The following KCNH7 variants were observed in gnomAD, a reference collection of about 807,000 sequenced individuals.
KCNH7 encodes voltage-gated inwardly rectifying potassium channel KCNH7.
In KCNH7, 49 loss-of-function variants were observed where a neutral mutation model predicts 120.8. The observed-to-expected ratio is 0.41, with a 90% confidence interval of 0.32 to 0.51. The LOEUF (loss-of-function observed/expected upper bound fraction) is 0.51, where lower values mean the gene tolerates loss of function less well. KCNH7 is among the 20% of genes least tolerant of loss of function. The pLI is 0.38. For synonymous variants in KCNH7, 547 were observed against 516.1 expected, an observed-to-expected ratio of 1.06 and a Z score of -0.81; for missense variants, 1,097 against 1,446.6, an observed-to-expected ratio of 0.76 and a Z score of 3.92.
intron 2 of KCNH7, among the ~76,000 whole-genome samples, chr2:162,684,311 A>G (rs919890430): frequency 9.9e-5 from 15 of 152,170 alleles, no homozygotes; most frequent in African/African-American, 3.6e-4. Context: ...TGACTAAAGC[A>G]TCAAAAGCAA....
intron 2 of KCNH7, among the ~76,000 whole-genome samples, chr2:162,675,239 A>C (rs1417783386): frequency 6.6e-6 from 1 of 151,514 alleles, no homozygotes; most frequent in East Asian, 1.9e-4. Flanking sequence ...AATTATTAGG[A>C]AGTGAAATGC....
chr2:162,678,418 AT>A (rs1256795683), intron 2 of KCNH7, among the ~76,000 whole-genome samples: 1 of 151,438 alleles, frequency 6.6e-6, no homozygotes, highest in East Asian at 1.9e-4. Context: ...GGAACAACTG[AT>A]AGCTGATCAA....
intron 6 of KCNH7, among the ~76,000 whole-genome samples, chr2:162,484,003 G>A (rs745694410): frequency 3.9e-5 from 6 of 152,110 alleles, no homozygotes; most frequent in Non-Finnish European, 8.8e-5. Context: ...ACTGGAGTCA[G>A]AGTCCAGAAA....
chr2:162,752,960 A>ACCCCTGACTAAT, intron 2 of KCNH7, among the ~76,000 whole-genome samples: 1 of 114,198 alleles, frequency 8.8e-6, no homozygotes, highest in African/African-American at 5.4e-5. Context: ...AAAGAAAAGA[A>ACCCCTGACTAAT]AAGAAAAGAA....
intron 2 of KCNH7, among the ~76,000 whole-genome samples, chr2:162,578,214 AAG>A (rs778831358): frequency 3.3e-5 from 5 of 152,010 alleles, no homozygotes; most frequent in Non-Finnish European, 7.4e-5. Context: ...GACAATACCA[AAG>A]AGGGGGAAAT....
chr2:162,596,630 T>C (rs1023631821), intron 2 of KCNH7, among the ~76,000 whole-genome samples: 3 of 152,004 alleles, frequency 2.0e-5, no homozygotes, highest in African/African-American at 7.2e-5. Context: ...AAAATCTAAA[T>C]GACTTTGATC....
At chr2:162,814,043 G>T (rs1684829247) in intron 2 of KCNH7, among the ~76,000 whole-genome samples, 1 of 152,166 alleles carries the variant, frequency 6.6e-6, no homozygotes, top group African/African-American at 2.4e-5. Context: ...GGACAATGTG[G>T]ATCCTGGTTC....
intron 2 of KCNH7, among the ~76,000 whole-genome samples, chr2:162,540,907 G>A (rs1025843958): frequency 2.0e-5 from 3 of 152,092 alleles, no homozygotes; most frequent in Non-Finnish European, 4.4e-5. Context: ...TTTGGCCCAG[G>A]GTGTTGTTGT....
chr2:162,756,755 G>T (rs1688802481), intron 2 of KCNH7, among the ~76,000 whole-genome samples: 1 of 152,162 alleles, frequency 6.6e-6, no homozygotes, highest in Non-Finnish European at 1.5e-5. Context: ...GAGCCACTGT[G>T]CCTGGCCCTG....
chr2:162,546,082 C>A (rs1444409698), intron 2 of KCNH7, among the ~76,000 whole-genome samples: 1 of 152,330 alleles, frequency 6.6e-6, no homozygotes, highest in East Asian at 1.9e-4. Flanking sequence ...CACACATTTT[C>A]TGACGCATAA....
chr2:162,461,327 C>G (rs1689138555), intron 6 of KCNH7, among the ~76,000 whole-genome samples: 1 of 152,178 alleles, frequency 6.6e-6, no homozygotes, highest in Admixed American at 6.5e-5. Context: ...TGTCAATTTT[C>G]TTACTAGCAA....
intron 2 of KCNH7, among the ~76,000 whole-genome samples, chr2:162,619,353 C>G (rs1051079388): frequency 6.6e-6 from 1 of 151,764 alleles, no homozygotes; most frequent in Non-Finnish European, 1.5e-5. Context: ...GGGCAAAAGA[C>G]CTAGGGTAAT....
intron 7 of KCNH7, among the ~76,000 whole-genome samples, chr2:162,441,887 G>A (rs1415597639): frequency 6.8e-6 from 1 of 147,708 alleles, no homozygotes; most frequent in Non-Finnish European, 1.5e-5. Context: ...GGCAAGCCCA[G>A]TTATTGCCAG....
At position 162,388,454 on chromosome 2, in the gene KCNH7, T is replaced by C. The variant is rs1018514786; in HGVS notation, c.2711-3515A>G. The stretch of plus-strand genomic sequence containing the variant: ...AATCATTTCATAATGTATACAAATA[T>C]GAAAAAAATCACTTTGTATACCATA... On this transcript the variant is annotated intron_variant, in intron 12 of 15. Transcript: ENST00000332142. Among the ~76,000 whole-genome samples the C allele has an allele frequency of 1.9e-4, 29 of 151,798 alleles. 1 individual carries two copies. Among genetic ancestry groups the C allele is most frequent in the African/African-American group, 6.8e-4 (28 of 41,396 alleles).
chr2:162,464,201 A>G (rs16846741), intron 6 of KCNH7, among the ~76,000 whole-genome samples: 3,117 of 152,162 alleles, frequency 0.02, 220 homozygotes, highest in Admixed American at 0.15. Context: ...ATTTTGTACC[A>G]GAGATTCATT....
At chr2:162,832,544 A>G (rs1485120342) in intron 2 of KCNH7, among the ~76,000 whole-genome samples, 4 of 152,144 alleles carry the variant, frequency 2.6e-5, no homozygotes, top group African/African-American at 9.7e-5. Flanking sequence ...ACAACCCCAT[A>G]GTCCAAATAC....
At chr2:162,644,711 C>T (rs1684289796) in intron 2 of KCNH7, among the ~76,000 whole-genome samples, 1 of 152,164 alleles carries the variant, frequency 6.6e-6, no homozygotes, top group Non-Finnish European at 1.5e-5. Flanking sequence ...GAAGAAACCT[C>T]TTTGCTTTGT....
In KCNH7 at chr2:162,396,827, T is replaced by C; in HGVS notation, c.2526A>G (p.Leu842=). The C allele has an allele frequency of 6.2e-7, 1 of 1,611,864 alleles. No homozygotes were observed. Among genetic ancestry groups the C allele is most frequent in the Non-Finnish European group, 8.5e-7 (1 of 1,178,696 alleles). The change falls in exon 11 of 16, where the codon TTA becomes TTG. Residue 842 remains leucine, a synonymous_variant. Transcript: ENST00000332142. Reference sequence around the variant, plus strand: ...ACTCAGGATACATATCCAAAACCTCTAACAAGTCTTCTCGCTGAATCTTAT... The same window carrying C: ...ACTCAGGATACATATCCAAAACCTCCAACAAGTCTTCTCGCTGAATCTTAT... ...DLHKIQREDL[L]EVLDMYPEFS... is the part of the protein sequence containing the mutation.
At chr2:162,577,091 T>C (rs949669) in intron 2 of KCNH7, among the ~76,000 whole-genome samples, 1 of 149,904 alleles carries the variant, frequency 6.7e-6, no homozygotes, top group Non-Finnish European at 1.5e-5. Flanking sequence ...AATTAAAAAA[T>C]TTTTTTTTTG....
Sources: gnomAD v4.1 joint callset for allele counts (sites outside exome capture counted in the v4.1 genomes callset) on GRCh38, gnomAD v4.1.1 for gene constraint, MANE v1.5 for transcripts, NCBI Gene and HGNC (gene_info 2026-07-23, HGNC 2026-07-21) for gene names.